Variants in CFAP47 observed in about 807,000 individuals in gnomAD.
CFAP47 encodes cilia and flagella associated protein 47.
In CFAP47, 29 loss-of-function variants were observed where a neutral mutation model predicts 148.1. That is an observed-to-expected ratio of 0.20 (90% confidence interval 0.15 to 0.27). The LOEUF (loss-of-function observed/expected upper bound fraction) is 0.27, where lower values mean the gene tolerates loss of function less well. CFAP47 is among the 10% of genes least tolerant of loss of function. The probability of loss-of-function intolerance (pLI) is 1.00; values close to 1 mark genes in which losing one functional copy is unlikely to be tolerated. For missense variants in CFAP47, 1,872 were observed against 1,697.5 expected (o/e 1.10, Z -1.81); for synonymous variants, 664 against 577.3 (o/e 1.15, Z -2.15).
chrX:35,989,571 G>C (rs1936762615), intron 16 of CFAP47, 122 bp downstream of exon 16: 1 of 1,170,282 alleles, frequency 8.5e-7, no homozygotes, highest in Admixed American at 2.4e-5. Context: ...TCATGCAACA[G>C]TACTAGTTTT....
At chrX:36,091,397 C>T (rs1320867862) in intron 30 of CFAP47, among the ~76,000 whole-genome samples, 1 of 111,164 alleles carries the variant, frequency 9.0e-6, no homozygotes, top group Non-Finnish European at 1.9e-5. Context: ...TCTTCATATG[C>T]CTCTGAGTTG....
intron 44 of CFAP47, among the ~76,000 whole-genome samples, chrX:36,203,774 C>T (rs782668882): frequency 2.5e-4 from 28 of 111,920 alleles, no homozygotes; most frequent in Non-Finnish European, 4.9e-4. Flanking sequence ...GTCCACTTTA[C>T]GAAGAATAGT....
chrX:36,013,155 A>G (rs1385800514), intron 21 of CFAP47, among the ~76,000 whole-genome samples: 1 of 111,486 alleles, frequency 9.0e-6, no homozygotes, highest in Non-Finnish European at 1.9e-5. Flanking sequence ...TTTAGTTTTG[A>G]TACAGCCCCC....
chrX:36,040,131 G>A (rs761123025), intron 25 of CFAP47, among the ~76,000 whole-genome samples: 1 of 111,692 alleles, frequency 9.0e-6, no homozygotes, highest in South Asian at 3.8e-4. Context: ...AAAGTGAAAT[G>A]ATAGGAAGAG....
intron 40 of CFAP47, among the ~76,000 whole-genome samples, chrX:36,187,859 A>G (rs1555985909): frequency 1.8e-5 from 2 of 111,753 alleles, no homozygotes; most frequent in Non-Finnish European, 3.8e-5. Flanking sequence ...ATAACTTTAC[A>G]TGTAAAGAGT....
Position 35,970,757 on chromosome X carries a change from T to C in CFAP47, c.1815-11T>C. The C allele has an allele frequency of 3.5e-6, 4 of 1,155,781 alleles. No individual in the cohort carries two copies. The South Asian group carries it at 8.0e-5, about 23-fold the overall frequency. Reference sequence around the variant, plus strand: ...ATATAAAAATATTAACATGACTTGCTTATATTGCAGGCCAATTTTCACAAA... The same window carrying C: ...ATATAAAAATATTAACATGACTTGCCTATATTGCAGGCCAATTTTCACAAA... On this transcript the variant is annotated splice_polypyrimidine_tract_variant and intron_variant, in intron 10 of 63. Coordinates refer to ENST00000378653, the MANE Select transcript of CFAP47 (RefSeq NM_001304548.2).
intron 1 of CFAP47, among the ~76,000 whole-genome samples, chrX:35,924,536 T>G (rs961802574): frequency 6.6e-5 from 7 of 105,656 alleles, no homozygotes; most frequent in East Asian, 6.2e-4. Context: ...TGCACATATA[T>G]GTGCACCTAT....
At chrX:36,375,250 G>C (rs1320939830) in intron 62 of CFAP47, 13 of 194,157 alleles carry the variant, frequency 6.7e-5, no homozygotes, top group Non-Finnish European at 1.1e-4. Flanking sequence ...ATGGGAACAA[G>C]ATATTTTCTA....
chrX:36,278,137 A>T (rs1941037993), intron 49 of CFAP47, among the ~76,000 whole-genome samples: 1 of 112,397 alleles, frequency 8.9e-6, no homozygotes, highest in Non-Finnish European at 1.9e-5. Context: ...TCAGACAGGG[A>T]CGTGTAAGTC....
chrX:36,230,903 C>T (rs1940343581), intron 46 of CFAP47, among the ~76,000 whole-genome samples: 1 of 105,772 alleles, frequency 9.5e-6, no homozygotes, highest in South Asian at 4.3e-4. Context: ...TCAGGTTTGT[C>T]AAAGATCAGA....
At chrX:36,349,350 G>A (rs1045273753) in intron 58 of CFAP47, among the ~76,000 whole-genome samples, 1 of 111,026 alleles carries the variant, frequency 9.0e-6, no homozygotes, top group Non-Finnish European at 1.9e-5. Context: ...TGCAACGTTC[G>A]CCTCCCAGGT....
intron 48 of CFAP47, among the ~76,000 whole-genome samples, chrX:36,238,652 C>T (rs1046069720): frequency 9.0e-6 from 1 of 111,017 alleles, no homozygotes; most frequent in Non-Finnish European, 1.9e-5. Context: ...TTCTTGTTTC[C>T]TTGACATTAA....
In CFAP47 at chrX:36,360,444, C is replaced by T. The variant is rs192778777; in HGVS notation, c.8852-886C>T. 3.1e-4 allele frequency among the ~76,000 whole-genome samples: 35 copies of T among 111,725 alleles called. No individual in the cohort carries two copies. In the East Asian group the frequency reaches 9.3e-3, roughly 30 times the overall value. ...AGGGTCCATGAGGCCAGGCCTAGTG[C>T]AAGGATATATGACAGAGTTGGCTTC... On this transcript the variant is annotated intron_variant, in intron 60 of 63. Transcript: ENST00000378653.
At chrX:36,190,931 A>G (rs782706883) in intron 42 of CFAP47, among the ~76,000 whole-genome samples, 1 of 111,914 alleles carries the variant, frequency 8.9e-6, no homozygotes, top group African/African-American at 3.3e-5. Context: ...CAAATTTATC[A>G]TCAGTTATAT....
At chrX:36,071,538 G>A (rs777918594) in intron 27 of CFAP47, among the ~76,000 whole-genome samples, 1 of 111,958 alleles carries the variant, frequency 8.9e-6, no homozygotes, top group African/African-American at 3.2e-5. Context: ...TTACGCTAAA[G>A]TTGAACATTG....
chrX:36,069,401 TA>T (rs1172687133), intron 27 of CFAP47, among the ~76,000 whole-genome samples: 6 of 110,962 alleles, frequency 5.4e-5, no homozygotes, highest in African/African-American at 2.0e-4. Context: ...TACTGGGCAA[TA>T]AATAATATTG....
chrX:36,353,556 G>T lies in CFAP47; in HGVS notation c.8726G>T (p.Arg2909Leu). The T allele has an allele frequency of 2.6e-6, 3 of 1,164,064 alleles. No homozygotes were observed. Among genetic ancestry groups the T allele is most frequent in the Non-Finnish European group, 3.4e-6 (3 of 870,335 alleles). Residue 2909 changes from arginine (R) to leucine (L), a missense_variant, in exon 60 of 64, where the codon CGG (arginine) becomes CTG (leucine). Physicochemically the swap from Arg to Leu is moderately radical, Grantham distance 102 (BLOSUM62 -2). Coordinates refer to ENST00000378653, the MANE Select transcript of CFAP47 (RefSeq NM_001304548.2). ...GTCATACAATGTCAGTCCAGGAAGC[G>T]GGCAGAAGAGAAGGTAGAAATCATA... Reference protein sequence around the residue: ...PVVIQCQSRKRAEEKVEIILN... With the variant: ...PVVIQCQSRKLAEEKVEIILN...
At chrX:36,117,536 A>T (rs1211140737) in intron 33 of CFAP47, among the ~76,000 whole-genome samples, 1 of 112,079 alleles carries the variant, frequency 8.9e-6, no homozygotes, top group African/African-American at 3.2e-5. Context: ...TGCCATTTGT[A>T]TGCTTTCTTT....
chrX:36,151,895 C>T (rs1380233019), intron 37 of CFAP47, among the ~76,000 whole-genome samples: 1 of 111,696 alleles, frequency 9.0e-6, no homozygotes, highest in Non-Finnish European at 1.9e-5. Context: ...GATCAAAGCA[C>T]CCACAGATTG....
Sources: gnomAD v4.1 joint callset for allele counts (sites outside exome capture counted in the v4.1 genomes callset) on GRCh38, gnomAD v4.1.1 for gene constraint, MANE v1.5 for transcripts, NCBI Gene and HGNC (gene_info 2026-07-23, HGNC 2026-07-21) for gene names.